Variants in MID2 observed in about 807,000 individuals in gnomAD.
The protein encoded by MID2 is probable E3 ubiquitin-protein ligase MID2.
In MID2, 13 loss-of-function variants were observed where a neutral mutation model predicts 46.1. That is an observed-to-expected ratio of 0.28 (90% CI 0.18 to 0.45). The LOEUF is 0.45. Ranked by LOEUF, MID2 falls within the 20% of genes least tolerant of loss-of-function variation. The probability of loss-of-function intolerance (pLI) is 1.00; values close to 1 mark genes in which losing one functional copy is unlikely to be tolerated. For missense variants in MID2, 431 were observed against 575.4 expected (o/e 0.75, Z 2.57); for synonymous variants, 199 against 212.3 (o/e 0.94, Z 0.55).
At chrX:107,914,824 A>G (rs2147870099) in intron 5 of MID2, among the ~76,000 whole-genome samples, 1 of 112,467 alleles carries the variant, frequency 8.9e-6, no homozygotes, top group East Asian at 2.8e-4. Context: ...GAACAGTCTA[A>G]ATGGTTAAGG....
At chrX:107,870,121 A>G (rs1449631014) in intron 3 of MID2, among the ~76,000 whole-genome samples, 2 of 111,684 alleles carry the variant, frequency 1.8e-5, no homozygotes, top group African/African-American at 3.2e-5. Flanking sequence ...AGAATATATT[A>G]ATATAACCCT....
intron 3 of MID2, among the ~76,000 whole-genome samples, chrX:107,882,385 C>T (rs1390280825): frequency 9.0e-6 from 1 of 111,683 alleles, no homozygotes; most frequent in African/African-American, 3.3e-5. Flanking sequence ...AGCTTCTGCA[C>T]AGCAAAAGAA....
chrX:107,895,308 C>T (rs759993140), intron 3 of MID2: 2 of 110,622 alleles, frequency 1.8e-5, no homozygotes, highest in Admixed American at 9.6e-5. Context: ...TATCATCCCC[C>T]CAAAACTCAT....
Position 107,826,163 on chromosome X carries a change from C to A in MID2, c.-264C>A. On this transcript the variant is annotated 5_prime_UTR_variant, in exon 1 of 10. Coordinates refer to ENST00000262843, the MANE Select transcript of MID2 (RefSeq NM_012216.4). ...GGGGCGAAAACTCTTAAGTTTAGCT[C>A]GGGAGGCCCAGCTGCGGTAGCATCG... The A allele has an allele frequency of 3.4e-6, 1 of 297,208 alleles. No homozygotes were observed. The highest frequency in any genetic ancestry group is 4.8e-5 in the East Asian group (1 of 20,889). 24.5% of individuals were successfully genotyped at this position (297,208 alleles called of 1,213,427 possible). A position where few individuals can be genotyped will look rare whatever the true frequency, so the allele number is the denominator to read the frequency against.
intron 7 of MID2, among the ~76,000 whole-genome samples, chrX:107,923,691 T>C (rs1319386606): frequency 9.0e-6 from 1 of 111,406 alleles, no homozygotes; most frequent in Admixed American, 9.5e-5. Flanking sequence ...AGAGTGGAAT[T>C]GTAAGCCCTG....
At chrX:107,888,811 G>T (rs1932524801) in intron 3 of MID2, among the ~76,000 whole-genome samples, 1 of 111,842 alleles carries the variant, frequency 8.9e-6, no homozygotes, top group African/African-American at 3.3e-5. Context: ...CCTGTATTGG[G>T]TGCATATATG....
At chrX:107,912,067 C>T (rs1932903365) in intron 5 of MID2, among the ~76,000 whole-genome samples, 1 of 111,914 alleles carries the variant, frequency 8.9e-6, no homozygotes, top group African/African-American at 3.3e-5. Flanking sequence ...AGTTGTTCCT[C>T]ATGCAAACTT....
At chrX:107,827,841 G>T (rs935553253) in intron 1 of MID2, among the ~76,000 whole-genome samples, 5 of 108,343 alleles carry the variant, frequency 4.6e-5, no homozygotes, top group Non-Finnish European at 9.5e-5. Flanking sequence ...CCCAATCAAT[G>T]AACTTAACAT....
rs775506439 is a variant in MID2 at position 107,838,331 on chromosome X, T to C, written c.5-2339T>C. Among the ~76,000 whole-genome samples, 5 of 112,455 alleles carry C rather than the reference T, an allele frequency of 4.4e-5. No homozygotes were observed. The South Asian group carries it at 1.9e-3, about 42-fold the overall frequency. ...AGTTGGAATCTTCATCTCTCAAAAG[T>C]CTCTTCCAATTCTAAGATTCAATGA... On this transcript the variant is annotated intron_variant, in intron 1 of 9. Coordinates refer to ENST00000262843, the MANE Select transcript of MID2 (RefSeq NM_012216.4).
chrX:107,921,374 A>T (rs1569471798), intron 7 of MID2, among the ~76,000 whole-genome samples: 1 of 111,239 alleles, frequency 9.0e-6, no homozygotes. Context: ...AATTTTGATC[A>T]CCTAGTCAAG....
intron 3 of MID2, among the ~76,000 whole-genome samples, chrX:107,879,064 T>C (rs1899668845): frequency 9.0e-6 from 1 of 110,818 alleles, no homozygotes; most frequent in South Asian, 3.8e-4. Flanking sequence ...TTTTGGGTGC[T>C]GGCAGGAGCA....
intron 3 of MID2, among the ~76,000 whole-genome samples, chrX:107,898,947 T>C (rs1034327093): frequency 9.0e-6 from 1 of 110,906 alleles, no homozygotes; most frequent in Non-Finnish European, 1.9e-5. Flanking sequence ...TCTGGGTATA[T>C]GGGATCATCT....
intron 3 of MID2, among the ~76,000 whole-genome samples, chrX:107,875,850 C>T (rs1253436181): frequency 8.9e-6 from 1 of 111,796 alleles, no homozygotes; most frequent in African/African-American, 3.3e-5. Context: ...CCCCAGTGTC[C>T]AAAAGGAGGT....
At chrX:107,899,863 G>A (rs989286320) in intron 3 of MID2, among the ~76,000 whole-genome samples, 2 of 111,695 alleles carry the variant, frequency 1.8e-5, no homozygotes, top group African/African-American at 3.3e-5. Flanking sequence ...TGCTTATTAA[G>A]GTAACCCAGT....
chrX:107,857,292 T>C (rs1337417974), intron 3 of MID2, among the ~76,000 whole-genome samples: 1 of 107,948 alleles, frequency 9.3e-6, no homozygotes, highest in African/African-American at 3.4e-5. Context: ...TTTTTTTTTT[T>C]TTTTTTGAGA....
chrX:107,875,760 G>C (rs1325181638), intron 3 of MID2, among the ~76,000 whole-genome samples: 2 of 111,912 alleles, frequency 1.8e-5, no homozygotes, highest in Non-Finnish European at 3.8e-5. Flanking sequence ...ACCGGATTAA[G>C]AGCCTTTCTG....
At chrX:107,889,305 G>A (rs1434315791) in intron 3 of MID2, among the ~76,000 whole-genome samples, 1 of 111,646 alleles carries the variant, frequency 9.0e-6, no homozygotes, top group Non-Finnish European at 1.9e-5. Flanking sequence ...AGCTCTTTTA[G>A]GGCAGGCCTG....
intron 2 of MID2, among the ~76,000 whole-genome samples, chrX:107,845,039 T>G (rs34434823): frequency 0.13 from 14,442 of 111,447 alleles, 792 homozygotes; most frequent in Middle Eastern, 0.29. Flanking sequence ...GGATCTCATC[T>G]AAGAAGATAT....
At chrX:107,905,404 A>G in intron 4 of MID2, 74 bp from the exon 5 acceptor site, 1 of 871,241 alleles carries the variant, frequency 1.1e-6, no homozygotes, top group Non-Finnish European at 1.6e-6. Flanking sequence ...TGCCTCCTTC[A>G]TGTTGTTTTT....
Sources: allele counts gnomAD v4.1 joint callset (sites outside exome capture counted in the v4.1 genomes callset), GRCh38; gene constraint gnomAD v4.1.1; transcripts MANE v1.5; gene names NCBI Gene and HGNC (gene_info 2026-07-23, HGNC 2026-07-21).